The following ADGRB3 variants were observed in gnomAD, a reference collection of about 807,000 sequenced individuals.
ADGRB3 encodes brain-specific angiogenesis inhibitor 3.
In ADGRB3, 37 loss-of-function variants were observed where a neutral mutation model predicts 193.4. The ratio of observed to expected loss-of-function variants is 0.19; its 90% CI spans 0.15 to 0.25. The LOEUF (loss-of-function observed/expected upper bound fraction) is 0.25. ADGRB3 is among the 10% of genes least tolerant of loss of function. The pLI is 1.00. For synonymous variants in ADGRB3, 690 were observed against 644.2 expected (o/e 1.07, Z -1.08); for missense variants, 1,637 against 1,852.9 (o/e 0.88, Z 2.14).
intron 20 of ADGRB3, among the ~76,000 whole-genome samples, chr6:69,277,865 T>C (rs1321418413): frequency 6.6e-6 from 1 of 152,194 alleles, no homozygotes; most frequent in Non-Finnish European, 1.5e-5. Context: ...TATAGTCTTG[T>C]TGTAAGTATT....
intron 18 of ADGRB3, among the ~76,000 whole-genome samples, chr6:69,234,514 A>G (rs907167369): frequency 1.3e-5 from 2 of 152,176 alleles, no homozygotes; most frequent in Non-Finnish European, 1.5e-5. Flanking sequence ...ATTAAATGTG[A>G]GAATACTTGA....
intron 3 of ADGRB3, among the ~76,000 whole-genome samples, chr6:68,751,605 A>G (rs1045263285): frequency 3.9e-5 from 6 of 152,194 alleles, no homozygotes; most frequent in Non-Finnish European, 8.8e-5. Context: ...TCCCCATACC[A>G]AGGGAGCATT....
At chr6:68,739,149 CT>C (rs1475757467) in intron 3 of ADGRB3, among the ~76,000 whole-genome samples, 1 of 152,146 alleles carries the variant, frequency 6.6e-6, no homozygotes, top group Non-Finnish European at 1.5e-5. Flanking sequence ...ACCAACAATA[CT>C]TTACCTCTGG....
chr6:68,761,493 G>T (rs1486945558), intron 3 of ADGRB3, among the ~76,000 whole-genome samples: 1 of 151,350 alleles, frequency 6.6e-6, no homozygotes, highest in Non-Finnish European at 1.5e-5. Flanking sequence ...CACAGGTTGT[G>T]CTTTGGTGTC....
intron 3 of ADGRB3, among the ~76,000 whole-genome samples, chr6:68,874,140 T>C (rs1001253183): frequency 6.6e-6 from 1 of 152,120 alleles, no homozygotes; most frequent in Non-Finnish European, 1.5e-5. Flanking sequence ...CTGTTGATAG[T>C]ATTAGGATTT....
chr6:68,981,134 TTG>T (rs1398254361), intron 10 of ADGRB3, among the ~76,000 whole-genome samples: 1 of 151,646 alleles, frequency 6.6e-6, no homozygotes, highest in Non-Finnish European at 1.5e-5. Context: ...CTCCAAAATG[TTG>T]TGAGTACTCA....
At chr6:68,945,423 T>C (rs563808254) in intron 6 of ADGRB3, among the ~76,000 whole-genome samples, 162 of 152,242 alleles carry the variant, frequency 1.1e-3, no homozygotes, top group Non-Finnish European at 1.9e-3. Flanking sequence ...TTTCTCTCTC[T>C]ATAAACACAC....
At chr6:69,111,883 G>T (rs1207063492) in intron 17 of ADGRB3, among the ~76,000 whole-genome samples, 2 of 152,200 alleles carry the variant, frequency 1.3e-5, no homozygotes, top group Non-Finnish European at 2.9e-5. Flanking sequence ...TGGTTGGGTT[G>T]CATATTGGGT....
chr6:69,059,752 CT>C (rs1024409826), intron 15 of ADGRB3, among the ~76,000 whole-genome samples: 28 of 152,052 alleles, frequency 1.8e-4, no homozygotes, highest in African/African-American at 6.8e-4. Context: ...ACACTATACA[CT>C]TTTTGAAAAG....
In ADGRB3 at chr6:69,333,019, A is replaced by AT. The variant is rs764546075; in HGVS notation, c.3188+13dup. 6.2e-7 allele frequency: 1 copy of AT among 1,612,328 alleles called. No homozygotes were observed. The highest frequency in any genetic ancestry group is 1.1e-5 in the South Asian group (1 of 90,912). ...CAAACACAGAGCCGGGTAAGCTGCAATTGGTGGATTTTGAAGGTTATTTAT... is the reference window on the plus strand; with the variant it reads ...CAAACACAGAGCCGGGTAAGCTGCAATTTGGTGGATTTTGAAGGTTATTTAT... On this transcript the variant is annotated intron_variant, in intron 24 of 31. Transcript: ENST00000370598.
intron 3 of ADGRB3, among the ~76,000 whole-genome samples, chr6:68,892,306 C>T (rs955368611): frequency 6.6e-6 from 1 of 152,160 alleles, no homozygotes; most frequent in African/African-American, 2.4e-5. Context: ...TCTCCAGCCT[C>T]ACTCCATCCA....
chr6:69,068,975 A>G (rs1209502953), intron 16 of ADGRB3, among the ~76,000 whole-genome samples: 1 of 152,018 alleles, frequency 6.6e-6, no homozygotes, highest in East Asian at 1.9e-4. Flanking sequence ...TTTCAATGTG[A>G]TGAGAATCCT....
In ADGRB3 at chr6:68,775,915, G is replaced by A. The variant is rs758599460; in HGVS notation, c.757+136483G>A. 1.2e-4 allele frequency among the ~76,000 whole-genome samples: 19 copies of A among 152,078 alleles called. 1 individual carries two copies. Among genetic ancestry groups the A allele is most frequent in the Admixed American group, 9.2e-4 (14 of 15,262 alleles). ...ACTATAAAGCCATTGTATTCATATA[G>A]CATTAATTAAATACTACATTGTGTT... is the stretch of plus-strand genomic sequence containing the variant. On this transcript the variant is annotated intron_variant, in intron 3 of 31. Transcript: ENST00000370598.
At chr6:69,132,748 T>C (rs1266517434) in intron 17 of ADGRB3, among the ~76,000 whole-genome samples, 2 of 152,312 alleles carry the variant, frequency 1.3e-5, no homozygotes, top group Admixed American at 1.3e-4. Flanking sequence ...CTAGGGTTTT[T>C]ATGGTTTTAG....
chr6:69,120,429 G>T (rs997160879), intron 17 of ADGRB3, among the ~76,000 whole-genome samples: 1 of 152,230 alleles, frequency 6.6e-6, no homozygotes, highest in Non-Finnish European at 1.5e-5. Flanking sequence ...TCATCTCCAA[G>T]GTATAAGGAC....
At chr6:69,125,926 A>G (rs1266886671) in intron 17 of ADGRB3, among the ~76,000 whole-genome samples, 1 of 152,130 alleles carries the variant, frequency 6.6e-6, no homozygotes, top group East Asian at 1.9e-4. Context: ...AATATGTTGT[A>G]TGCCATTTCA....
chr6:69,364,165 G>A (rs527618898), intron 29 of ADGRB3, among the ~76,000 whole-genome samples: 1 of 152,048 alleles, frequency 6.6e-6, no homozygotes, highest in African/African-American at 2.4e-5. Context: ...ATATAAAGAC[G>A]CTCACATTTT....
intron 3 of ADGRB3, among the ~76,000 whole-genome samples, chr6:68,840,880 C>T (rs1004949434): frequency 2.6e-5 from 4 of 152,058 alleles, no homozygotes; most frequent in African/African-American, 9.7e-5. Flanking sequence ...TGTAATTAAA[C>T]ACATAGACTG....
chr6:69,218,650 TAGAG>T (rs1286107583), intron 17 of ADGRB3, among the ~76,000 whole-genome samples: 1 of 152,170 alleles, frequency 6.6e-6, no homozygotes, highest in Non-Finnish European at 1.5e-5. Context: ...TGACTTTCTA[TAGAG>T]AATCTGTTTG....
Sources: allele counts gnomAD v4.1 joint callset (sites outside exome capture counted in the v4.1 genomes callset), GRCh38; gene constraint gnomAD v4.1.1; transcripts MANE v1.5; gene names NCBI Gene and HGNC (gene_info 2026-07-23, HGNC 2026-07-21).